Variants in NCAPD2 observed in about 807,000 individuals in gnomAD.
The protein encoded by NCAPD2 is condensin complex subunit 1.
In NCAPD2, 100 loss-of-function variants were observed where a neutral mutation model predicts 164.5. That is an observed-to-expected ratio of 0.61 (90% confidence interval 0.52 to 0.72). The LOEUF is 0.72. NCAPD2 is among the 30% of genes least tolerant of loss of function. NCAPD2 has a pLI of 0.00. For missense variants in NCAPD2, 1,560 were observed against 1,749.2 expected (o/e 0.89, Z 1.93); for synonymous variants, 585 against 642.6 (o/e 0.91, Z 1.36).
chr12:6,517,247 T>C, intron 10 of NCAPD2, 118 bp from the exon 11 acceptor site: 2 of 1,447,652 alleles, frequency 1.4e-6, no homozygotes, highest in South Asian at 2.7e-5. Context: ...ATCTATATTC[T>C]GTAGAAAGGG....
rs1946206340 is a variant in NCAPD2, at chr12:6,516,880, A to G, written c.1040A>G (p.Gln347Arg). 3 of 1,613,980 alleles carry G rather than the reference A, an allele frequency of 1.9e-6. No homozygotes were observed. Among genetic ancestry groups the G allele is most frequent in the Non-Finnish European group, 2.5e-6 (3 of 1,180,020 alleles). The stretch of plus-strand genomic sequence containing the variant: ...GCAGCCATGGCGGAGATGGTGCTGC[A>G]GGTTCTCAGTGGCGATCAACTGGAA... ...VLAAMAEMVL[Q>R]VLSGDQLEAA... The change falls in exon 10 of 32, where the codon CAG becomes CGG. Residue 347 changes from glutamine to arginine, a missense_variant. Coordinates refer to ENST00000315579, the MANE Select transcript of NCAPD2 (RefSeq NM_014865.4).
chr12:6,531,066 C>T lies in NCAPD2; in HGVS notation c.4110C>T (p.Ser1370=), dbSNP rs1324444272. The T allele has an allele frequency of 1.9e-6, 3 of 1,613,506 alleles. No individual in the cohort carries two copies. The highest frequency in any genetic ancestry group is 2.2e-5 in the East Asian group (1 of 44,874). ...AAGTTGTCTTCTCAAGTGATGAGTC[C>T]AGTGAGGAAGGTATGATGCTCCCGC... The part of the protein sequence containing the change: ...KPKVVFSSDE[S]SEEDLSAEMT... The change falls in exon 31 of 32, where the codon TCC becomes TCT. Residue 1370 remains serine, a synonymous_variant. Coordinates refer to ENST00000315579, the MANE Select transcript of NCAPD2 (RefSeq NM_014865.4). This position sits in a 1 kb window ranked among gnomAD's most constrained non-coding sequence, Gnocchi z 4.1.
In NCAPD2 at chr12:6,531,486, A is replaced by G. The variant is rs1373158048; in HGVS notation, c.*74A>G. On this transcript the variant is annotated 3_prime_UTR_variant, in exon 32 of 32. Coordinates refer to ENST00000315579, the MANE Select transcript of NCAPD2 (RefSeq NM_014865.4). The surrounding 1 kb of genome is among the most constrained non-coding windows in gnomAD (Gnocchi z 4.1). The stretch of plus-strand genomic sequence containing the variant: ...GGAATTCGAATTCTGTTTCCCTTGT[A>G]AAATATTTGTCTGTCTCTTTTTTTT... The G allele has an allele frequency of 5.1e-5, 80 of 1,574,530 alleles. No individual in the cohort carries two copies. The highest frequency in any genetic ancestry group is 9.6e-5 in the African/African-American group (7 of 72,924).
Position 6,531,557 on chromosome 12 carries a change from G to A in NCAPD2, c.*145G>A, listed in dbSNP as rs2137064136. On this transcript the variant is annotated 3_prime_UTR_variant, in exon 32 of 32. Transcript: ENST00000315579. This position sits in a 1 kb window ranked among gnomAD's most constrained non-coding sequence, Gnocchi z 4.1. ...ACTGTGGCTCACGCCTGTAATCCCA[G>A]CACTTTGCGATACCAAGGCGGGTGG... is the stretch of plus-strand genomic sequence containing the variant. 2 of 1,494,482 alleles carry A rather than the reference G, an allele frequency of 1.3e-6. No individual in the cohort carries two copies. Among genetic ancestry groups the A allele is most frequent in the Non-Finnish European group, 1.8e-6 (2 of 1,118,710 alleles). 92.6% of individuals were successfully genotyped at this position (1,494,482 alleles called of 1,614,324 possible). A position where few individuals can be genotyped will look rare whatever the true frequency, so the allele number is the denominator to read the frequency against.
Position 6,514,332 on chromosome 12 carries a change from A to T in NCAPD2, c.655A>T (p.Thr219Ser). ...PTINHQKNRP[T>S]REAITHLLGV... ...CATTAATCACCAGAAGAACCGCCCC[A>T]CTCGGGAAGCCATAACACACCTGCT... is the stretch of plus-strand genomic sequence containing the variant. The change falls in exon 7 of 32, where the codon ACT (threonine) becomes TCT (serine). Residue 219 changes from threonine to serine, a missense_variant. By Grantham distance (58) the Thr-to-Ser change is moderately conservative. Coordinates refer to ENST00000315579, the MANE Select transcript of NCAPD2 (RefSeq NM_014865.4). 6.2e-7 allele frequency: 1 copy of T among 1,614,050 alleles called. No homozygotes were observed. The highest frequency in any genetic ancestry group is 8.5e-7 in the Non-Finnish European group (1 of 1,180,006).
chr12:6,520,265 A>G (rs139935130), intron 13 of NCAPD2, among the ~76,000 whole-genome samples: 12 of 151,720 alleles, frequency 7.9e-5, no homozygotes, highest in African/African-American at 2.4e-4. Context: ...TGAGAGAGAG[A>G]GTGTCTCACT....
chr12:6,502,042 A>G (rs1229875824), intron 2 of NCAPD2, among the ~76,000 whole-genome samples: 2 of 152,184 alleles, frequency 1.3e-5, no homozygotes, highest in Non-Finnish European at 2.9e-5. Flanking sequence ...GATGGGCAGC[A>G]TTATGTGTGT....
chr12:6,509,971 A>C (rs1019983208), intron 3 of NCAPD2, 104 bp from the exon 4 acceptor site: 3 of 1,349,110 alleles, frequency 2.2e-6, no homozygotes, highest in Admixed American at 3.9e-5. Context: ...GAACAATTTC[A>C]CGTGTATTTT....
Position 6,528,474 on chromosome 12 carries a change from C to T in NCAPD2, c.3299+146C>T. 1 of 1,226,116 alleles carries T rather than the reference C, an allele frequency of 8.2e-7. No individual in the cohort carries two copies. The highest frequency in any genetic ancestry group is 1.4e-5 in the South Asian group (1 of 71,312). The allele number at this position is 1,226,116 out of a possible 1,614,324, so 76.0% of individuals were successfully genotyped here. A position where few individuals can be genotyped will look rare whatever the true frequency, so the allele number is the denominator to read the frequency against. On this transcript the variant is annotated intron_variant, in intron 25 of 31. Coordinates refer to ENST00000315579, the MANE Select transcript of NCAPD2 (RefSeq NM_014865.4). This position sits in a 1 kb window ranked among gnomAD's most constrained non-coding sequence, Gnocchi z 5.1. ...ATACTTGACCTGTACAGGCCCCTGGCTAAGAGTCACCCCAGTGGGACTGAC... is the reference window on the plus strand; with the variant it reads ...ATACTTGACCTGTACAGGCCCCTGGTTAAGAGTCACCCCAGTGGGACTGAC...
At chr12:6,525,863 T>A (rs1480302278) in intron 18 of NCAPD2, 147 bp downstream of exon 18, 2 of 1,282,918 alleles carry the variant, frequency 1.6e-6, no homozygotes, top group Non-Finnish European at 2.1e-6. Context: ...AAGCAAATAG[T>A]GAGAGGACCA....
chr12:6,511,354 C>A, intron 6 of NCAPD2, 102 bp downstream of exon 6: 2 of 1,344,818 alleles, frequency 1.5e-6, no homozygotes, highest in Non-Finnish European at 2.0e-6. Context: ...TGTGGGGGGA[C>A]AGAGCTTCAC....
In NCAPD2 at chr12:6,495,239, G is replaced by C. The variant is rs758089639; in HGVS notation, c.127+14G>C. ...CACAGCTTAGAGGTAAGAGTCCATAGCTGTCACTGTACCTAGCTCTTTCAA... is the reference window on the plus strand; with the variant it reads ...CACAGCTTAGAGGTAAGAGTCCATACCTGTCACTGTACCTAGCTCTTTCAA... On this transcript the variant is annotated intron_variant, in intron 2 of 31. Coordinates refer to ENST00000315579, the MANE Select transcript of NCAPD2 (RefSeq NM_014865.4). The C allele has an allele frequency of 1.2e-6, 2 of 1,613,974 alleles. No individual in the cohort carries two copies. Among genetic ancestry groups the C allele is most frequent in the Non-Finnish European group, 8.5e-7 (1 of 1,179,892 alleles).
chr12:6,512,687 C>T (rs979360825), intron 6 of NCAPD2, among the ~76,000 whole-genome samples: 4 of 152,206 alleles, frequency 2.6e-5, no homozygotes, highest in Admixed American at 2.0e-4. Flanking sequence ...TGTACTTCAA[C>T]AGGGCCATCC....
In NCAPD2 at chr12:6,526,591, A is replaced by G. The variant is rs1460329218; in HGVS notation, c.2710A>G (p.Lys904Glu). Residue 904 changes from lysine (K) to glutamate (E), a missense_variant, in exon 21 of 32, where the codon AAG becomes GAG. By Grantham distance (56) the Lys-to-Glu change is moderately conservative. Transcript: ENST00000315579. ...ACAGGCCCTGGAGAAGCTAGAAGAG[A>G]AGAGAACCAGTCAGGAGGACCCGAG... ...AKQALEKLEE[K>E]RTSQEDPKES... is the part of the protein sequence containing the mutation. 2.5e-6 allele frequency: 4 copies of G among 1,614,012 alleles called. No homozygotes were observed. The East Asian group carries it at 8.9e-5, about 36-fold the overall frequency.
rs1171527799 is a variant in NCAPD2 at position 6,494,345 on chromosome 12, TGTTAAGCAAATCGCTTAACAGATCCG to T, written c.-24+192_-24+217del. On this transcript the variant is annotated intron_variant, in intron 1 of 31. Transcript: ENST00000315579. Reference sequence around the variant, plus strand: ...CGCTTAACAGATCCGCAACGGAAGATGTTAAGCAAATCGCTTAACAGATCCGCAACGGAAGATGTTAAGCAAATCGC... The same window carrying T: ...CGCTTAACAGATCCGCAACGGAAGATCAACGGAAGATGTTAAGCAAATCGC... 3.0e-3 allele frequency among the ~76,000 whole-genome samples: 429 copies of T among 143,594 alleles called. 4 individuals carry two copies. Among genetic ancestry groups the T allele is most frequent in the African/African-American group, 0.011 (415 of 37,852 alleles). The allele number at this position is 143,594 out of a possible 152,430, so 94.2% of individuals were successfully genotyped here.
chr12:6,516,801 TG>T, intron 9 of NCAPD2, 26 bp from the exon 10 acceptor site: 1 of 1,610,876 alleles, frequency 6.2e-7, no homozygotes, highest in Non-Finnish European at 8.5e-7. Context: ...ACTAAAGGTT[TG>T]ACCCCTCTAT....
chr12:6,500,131 A>G (rs1162513017), intron 2 of NCAPD2, among the ~76,000 whole-genome samples: 7 of 152,180 alleles, frequency 4.6e-5, no homozygotes, highest in Non-Finnish European at 1.0e-4. Flanking sequence ...CAAAAAAGAA[A>G]AAAAAAGAAG....
intron 13 of NCAPD2, 91 bp from the exon 14 acceptor site, chr12:6,520,895 T>G: frequency 6.4e-7 from 1 of 1,564,914 alleles, no homozygotes; most frequent in Non-Finnish European, 8.7e-7. Flanking sequence ...GGGCAGTAGG[T>G]CCAGGGACTT....
At chr12:6,504,192 T>TATATATATATATATATATAGATATAG (rs1946070027) in intron 2 of NCAPD2, among the ~76,000 whole-genome samples, 1 of 32,268 alleles carries the variant, frequency 3.1e-5, no homozygotes, top group Non-Finnish European at 4.7e-5. Context: ...CATATATATA[T>TATATATATATATATATATAGATATAG]ATATATATAT....
Sources: allele counts gnomAD v4.1 joint callset (sites outside exome capture counted in the v4.1 genomes callset), GRCh38; gene constraint gnomAD v4.1.1; non-coding constraint Gnocchi (gnomAD v3.1); transcripts MANE v1.5; gene names NCBI Gene and HGNC (gene_info 2026-07-23, HGNC 2026-07-21).